Variants in RAP1GAP2 observed in about 807,000 individuals in gnomAD.
RAP1GAP2 encodes RAP1 GTPase activating protein 2.
RAP1GAP2 carries 27 observed loss-of-function variants against 95.0 expected under a neutral mutation model. The ratio of observed to expected loss-of-function variants is 0.28; its 90% CI spans 0.21 to 0.39. The LOEUF (loss-of-function observed/expected upper bound fraction) is 0.39. Among genes scored for constraint, RAP1GAP2 ranks in the 10% least tolerant of loss-of-function variants. The pLI, the probability that RAP1GAP2 is intolerant of heterozygous loss-of-function variation, is 1.00. For missense variants in RAP1GAP2, 771 were observed against 970.0 expected (o/e 0.79, Z 2.72); for synonymous variants, 373 against 380.9 (o/e 0.98, Z 0.24).
At chr17:2,873,452 G>T (rs1310987653) in intron 2 of RAP1GAP2, among the ~76,000 whole-genome samples, 1 of 102,358 alleles carries the variant, frequency 9.8e-6, no homozygotes, top group Admixed American at 1.5e-4. Flanking sequence ...TCCAGCCAGG[G>T]TAATAGAATG....
intron 2 of RAP1GAP2, among the ~76,000 whole-genome samples, chr17:2,887,870 C>G (rs957000306): frequency 6.6e-6 from 1 of 151,906 alleles, no homozygotes; most frequent in African/African-American, 2.4e-5. Flanking sequence ...GAAGGGGTTT[C>G]ACCATGTTGG....
intron 16 of RAP1GAP2, among the ~76,000 whole-genome samples, chr17:3,007,073 A>G (rs2046366460): frequency 6.6e-6 from 1 of 151,872 alleles, no homozygotes; most frequent in South Asian, 2.1e-4. Context: ...CTGATCTGGC[A>G]TGGTAGACAG....
chr17:3,030,813 G>A, intron 22 of RAP1GAP2, 109 bp from the exon 23 acceptor site: 3 of 1,044,842 alleles, frequency 2.9e-6, no homozygotes, highest in Non-Finnish European at 4.3e-6. Context: ...GCCTGGTCCT[G>A]GTGGAGGGCA....
rs2046255711 is a variant in RAP1GAP2, at chr17:3,004,058, TC to T, written c.1201-1308del. Among the ~76,000 whole-genome samples, 1 of 152,172 alleles carries T rather than the reference TC, an allele frequency of 6.6e-6. No homozygotes were observed. The highest frequency in any genetic ancestry group is 2.4e-5 in the African/African-American group (1 of 41,440). On this transcript the variant is annotated intron_variant, in intron 14 of 24. Transcript: ENST00000254695. This position sits in a 1 kb window ranked among gnomAD's most constrained non-coding sequence, Gnocchi z 4.1. ...AGCTGGGGCTGCCCTCTGGCCTCTG[TC>T]CCAGGTGCCCACGGTCTGCAGTCTC...
At chr17:2,798,068 C>T (rs750391476) in intron 1 of RAP1GAP2, among the ~76,000 whole-genome samples, 1 of 152,200 alleles carries the variant, frequency 6.6e-6, no homozygotes, top group Non-Finnish European at 1.5e-5. Flanking sequence ...TGAATCTGGG[C>T]AGGTGAGGGG....
At chr17:2,768,868 AGAC>A (rs1202804870) in intron 1 of RAP1GAP2, among the ~76,000 whole-genome samples, 1 of 151,780 alleles carries the variant, frequency 6.6e-6, no homozygotes, top group Admixed American at 6.6e-5. Flanking sequence ...AGGTTCTAGA[AGAC>A]CTAATCTTGA....
intron 2 of RAP1GAP2, among the ~76,000 whole-genome samples, chr17:2,895,420 C>T (rs1004297457): frequency 1.3e-5 from 2 of 152,220 alleles, no homozygotes; most frequent in South Asian, 4.1e-4. Context: ...GCAACATGAT[C>T]TTGGTCCGCT....
Position 2,889,477 on chromosome 17 carries a change from T to G in RAP1GAP2, c.81-15807T>G, listed in dbSNP as rs563744755. Among the ~76,000 whole-genome samples, 20 of 152,218 alleles carry G rather than the reference T, an allele frequency of 1.3e-4. No individual in the cohort carries two copies. The South Asian group carries it at 3.1e-3, about 24-fold the overall frequency. On this transcript the variant is annotated intron_variant, in intron 2 of 24. Coordinates refer to ENST00000254695, the MANE Select transcript of RAP1GAP2 (RefSeq NM_015085.5). ...GGGGAGTGAGTTTCTGCTCATCACG[T>G]GGAGATCTTGATCACCCAGTGGAGC...
chr17:2,798,408 G>A (rs968265768), intron 1 of RAP1GAP2, among the ~76,000 whole-genome samples: 2 of 152,184 alleles, frequency 1.3e-5, no homozygotes, highest in African/African-American at 4.8e-5. Context: ...GGGGCCCCTT[G>A]AGGTTGACGG....
At chr17:2,892,043 C>T (rs576647503) in intron 2 of RAP1GAP2, among the ~76,000 whole-genome samples, 378 of 152,032 alleles carry the variant, frequency 2.5e-3, no homozygotes, top group African/African-American at 8.2e-3. Context: ...AGGCTGGTCT[C>T]GGACTCCTGA....
At chr17:2,922,067 T>C (rs2042798844) in intron 3 of RAP1GAP2, among the ~76,000 whole-genome samples, 1 of 152,232 alleles carries the variant, frequency 6.6e-6, no homozygotes. Flanking sequence ...TTAGACTGGG[T>C]AATTTACAAA....
chr17:2,785,015 T>TTCATCTGCCTGCGGCA (rs1274683106), intron 1 of RAP1GAP2, among the ~76,000 whole-genome samples: 1 of 152,226 alleles, frequency 6.6e-6, no homozygotes, highest in Non-Finnish European at 1.5e-5. Context: ...TGAGTCACTG[T>TTCATCTGCCTGCGGCA]TCATCTGCCT....
rs1176106717 is a variant in RAP1GAP2 at position 2,855,748 on chromosome 17, G to C, written c.81-49536G>C. On this transcript the variant is annotated intron_variant, in intron 2 of 24. Coordinates refer to ENST00000254695, the MANE Select transcript of RAP1GAP2 (RefSeq NM_015085.5). The surrounding 1 kb of genome is among the most constrained non-coding windows in gnomAD (Gnocchi z 4.3). ...GGGCCTCAGCCTCCGGAGTAGCTGG[G>C]ACTACAAGTACCCACCACCACGCCC... Among the ~76,000 whole-genome samples, 1 of 152,152 alleles carries C rather than the reference G, an allele frequency of 6.6e-6. No homozygotes were observed. Among genetic ancestry groups the C allele is most frequent in the Admixed American group, 6.5e-5 (1 of 15,282 alleles).
rs921364457 is a variant in RAP1GAP2 at position 2,849,392 on chromosome 17, C to G, written c.80+48842C>G. Among the ~76,000 whole-genome samples the G allele has an allele frequency of 2.0e-5, 3 of 152,310 alleles. No homozygotes were observed. The South Asian group carries it at 6.2e-4, about 32-fold the overall frequency. ...AGGTGGCGTCTGCTGCAGGCTGGCT[C>G]TCTGACGAGGGGCACGGGGATTGGG... On this transcript the variant is annotated intron_variant, in intron 2 of 24. Coordinates refer to ENST00000254695, the MANE Select transcript of RAP1GAP2 (RefSeq NM_015085.5).
At chr17:2,788,134 G>T (rs1490294982) in intron 1 of RAP1GAP2, among the ~76,000 whole-genome samples, 3 of 152,092 alleles carry the variant, frequency 2.0e-5, no homozygotes, top group African/African-American at 7.2e-5. Context: ...TGGCATAAAG[G>T]GTATGTGCAC....
At chr17:2,981,489 C>T (rs991352921) in intron 10 of RAP1GAP2, among the ~76,000 whole-genome samples, 1 of 152,176 alleles carries the variant, frequency 6.6e-6, no homozygotes, top group South Asian at 2.1e-4. Flanking sequence ...GTGAAGGTGA[C>T]AGAGGGTAGC....
intron 3 of RAP1GAP2, among the ~76,000 whole-genome samples, chr17:2,922,735 TACTC>T (rs2042824102): frequency 6.6e-6 from 1 of 152,024 alleles, no homozygotes; most frequent in Non-Finnish European, 1.5e-5. Flanking sequence ...GCTTAATAAA[TACTC>T]ACAATAGGTT....
intron 3 of RAP1GAP2, among the ~76,000 whole-genome samples, chr17:2,914,591 C>G (rs1015950443): frequency 6.6e-6 from 1 of 150,926 alleles, no homozygotes; most frequent in Non-Finnish European, 1.5e-5. Context: ...CCTGGGTTCA[C>G]ACCATTCTCC....
chr17:3,036,073 C>G lies in RAP1GAP2; in HGVS notation c.*2712C>G, dbSNP rs2047458443. 3 of 152,222 alleles carry G rather than the reference C, an allele frequency of 2.0e-5. No homozygotes were observed. The highest frequency in any genetic ancestry group is 1.3e-4 in the Admixed American group (2 of 15,282). The allele number at this position is 152,222 out of a possible 1,614,324, so 9.4% of individuals were successfully genotyped here. A position where few individuals can be genotyped will look rare whatever the true frequency, so the allele number is the denominator to read the frequency against. ...TAGGGTCACCCATATGCCTCCAGCT[C>G]AGTTGACGCTTAAAAACAGGTGCAG... On this transcript the variant is annotated 3_prime_UTR_variant, in exon 25 of 25. Coordinates refer to ENST00000254695, the MANE Select transcript of RAP1GAP2 (RefSeq NM_015085.5).
Sources: gnomAD v4.1 joint callset for allele counts (sites outside exome capture counted in the v4.1 genomes callset) on GRCh38, gnomAD v4.1.1 for gene constraint, Gnocchi (gnomAD v3.1) non-coding constraint, MANE v1.5 for transcripts, NCBI Gene and HGNC (gene_info 2026-07-23, HGNC 2026-07-21) for gene names.